HTR4: variants seen among roughly 807,000 people sequenced by gnomAD.
HTR4 encodes the protein 5-hydroxytryptamine (serotonin) receptor 4, G protein-coupled.
HTR4 carries 16 observed loss-of-function variants against 36.8 expected under a neutral mutation model. The ratio of observed to expected loss-of-function variants is 0.43; its 90% CI spans 0.29 to 0.66. The LOEUF is 0.66. Ranked by LOEUF, HTR4 falls within the 30% of genes least tolerant of loss-of-function variation. The pLI, the probability that HTR4 is intolerant of heterozygous loss-of-function variation, is 0.13. For missense variants in HTR4, 438 were observed against 490.9 expected, an observed-to-expected ratio of 0.89 and a Z score of 1.02; for synonymous variants, 189 against 185.1, an observed-to-expected ratio of 1.02 and a Z score of -0.17.
chr5:148,652,619 C>T (rs1754074200), intron 1 of HTR4, among the ~76,000 whole-genome samples: 1 of 152,106 alleles, frequency 6.6e-6, no homozygotes, highest in South Asian at 2.1e-4. Context: ...CACTACTGTC[C>T]TCTGGGCCCT....
intron 5 of HTR4, among the ~76,000 whole-genome samples, chr5:148,461,618 A>G (rs1332089538): frequency 2.0e-5 from 3 of 152,052 alleles, no homozygotes; most frequent in Non-Finnish European, 4.4e-5. Flanking sequence ...AAAATACAGG[A>G]GGCAAAAACT....
rs192189223 is a variant in HTR4 at position 148,548,300 on chromosome 5, G to C, written c.353+368C>G. Among the ~76,000 whole-genome samples, 15 of 152,292 alleles carry C rather than the reference G, an allele frequency of 9.8e-5. No individual in the cohort carries two copies. The East Asian group carries it at 2.9e-3, about 29-fold the overall frequency. ...GGCATTTTCATTCTGAACCACCCCT[G>C]CTGCCCTCTGGGAAGATGTACTCAT... On this transcript the variant is annotated intron_variant, in intron 4 of 6. Transcript: ENST00000377888.
At chr5:148,653,054 T>C (rs1176040641) in intron 1 of HTR4, among the ~76,000 whole-genome samples, 1 of 152,064 alleles carries the variant, frequency 6.6e-6, no homozygotes, top group Non-Finnish European at 1.5e-5. Flanking sequence ...ACATCTCCCT[T>C]GGTCACTGAT....
intron 2 of HTR4, among the ~76,000 whole-genome samples, chr5:148,554,876 C>A (rs1759866318): frequency 6.6e-6 from 1 of 152,074 alleles, no homozygotes; most frequent in Non-Finnish European, 1.5e-5. Flanking sequence ...GTTCAGCCCC[C>A]ACTTGTAAGT....
chr5:148,592,066 G>A (rs1265292282), intron 2 of HTR4, among the ~76,000 whole-genome samples: 2 of 152,148 alleles, frequency 1.3e-5, no homozygotes, highest in African/African-American at 2.4e-5. Flanking sequence ...GTAAAAGAAT[G>A]AGATCGTGTC....
chr5:148,531,895 G>A (rs998960305), intron 4 of HTR4, among the ~76,000 whole-genome samples: 1 of 152,244 alleles, frequency 6.6e-6, no homozygotes, highest in Admixed American at 6.5e-5. Flanking sequence ...GGGGACATTT[G>A]ACAATGTCTG....
intron 6 of HTR4, among the ~76,000 whole-genome samples, chr5:148,507,938 A>G (rs1043425703): frequency 3.9e-5 from 6 of 152,058 alleles, no homozygotes; most frequent in Non-Finnish European, 8.8e-5. Flanking sequence ...TTTCTATGAC[A>G]CTCCTGAAGG....
chr5:148,587,890 C>A (rs114053947), intron 2 of HTR4, among the ~76,000 whole-genome samples: 117 of 152,316 alleles, frequency 7.7e-4, no homozygotes, highest in African/African-American at 2.6e-3. Flanking sequence ...TAGCATCTTT[C>A]AGCAGATATC....
chr5:148,581,298 G>A (rs561970396), intron 2 of HTR4, among the ~76,000 whole-genome samples: 3 of 151,870 alleles, frequency 2.0e-5, no homozygotes, highest in South Asian at 2.1e-4. Flanking sequence ...TTCATAGGTC[G>A]CCTTTTCACT....
chr5:148,623,274 G>GA (rs1425931065), intron 2 of HTR4, among the ~76,000 whole-genome samples: 1 of 152,092 alleles, frequency 6.6e-6, no homozygotes, highest in Non-Finnish European at 1.5e-5. Flanking sequence ...GGTCCTTCAG[G>GA]AAAAATGGGC....
At chr5:148,491,322 ATTT>A (rs756001193) in intron 6 of HTR4, among the ~76,000 whole-genome samples, 1 of 147,188 alleles carries the variant, frequency 6.8e-6, no homozygotes. Context: ...GGCGCTATAT[ATTT>A]TTTTTTTTTT....
chr5:148,574,405 C>T (rs1341406849), intron 2 of HTR4, among the ~76,000 whole-genome samples: 1 of 151,926 alleles, frequency 6.6e-6, no homozygotes, highest in Admixed American at 6.6e-5. Context: ...CTCTCTCTCT[C>T]TCTCACTCAC....
At chr5:148,521,628 T>G (rs570685334) in intron 5 of HTR4, among the ~76,000 whole-genome samples, 1 of 152,062 alleles carries the variant, frequency 6.6e-6, no homozygotes, top group African/African-American at 2.4e-5. Context: ...CCTTACAGTA[T>G]CCCTTTCTCT....
At chr5:148,549,898 A>G (rs1759596313) in intron 3 of HTR4, among the ~76,000 whole-genome samples, 1 of 152,220 alleles carries the variant, frequency 6.6e-6, no homozygotes, top group African/African-American at 2.4e-5. Flanking sequence ...CACAACTATA[A>G]ACACATTTGA....
chr5:148,571,861 C>T (rs1470982934), intron 2 of HTR4, among the ~76,000 whole-genome samples: 1 of 151,994 alleles, frequency 6.6e-6, no homozygotes, highest in Non-Finnish European at 1.5e-5. Flanking sequence ...TTCTCAAAGT[C>T]CTGAAGGATT....
chr5:148,632,131 G>T (rs535569549), intron 2 of HTR4, among the ~76,000 whole-genome samples: 2 of 151,962 alleles, frequency 1.3e-5, no homozygotes, highest in Non-Finnish European at 2.9e-5. Flanking sequence ...TTACAAAAAT[G>T]ATCAATACAT....
intron 6 of HTR4, 167 bp downstream of exon 6, chr5:148,509,289 T>C: frequency 8.8e-6 from 5 of 567,774 alleles, no homozygotes. Flanking sequence ...AGAGCCTGAG[T>C]TCTTAACCAT....
intron 2 of HTR4, among the ~76,000 whole-genome samples, chr5:148,588,998 T>C (rs1008928872): frequency 6.6e-6 from 1 of 152,176 alleles, no homozygotes; most frequent in Admixed American, 6.5e-5. Flanking sequence ...TTTTATTCAA[T>C]GCCATTCTTT....
At chr5:148,558,150 G>A (rs990598970) in intron 2 of HTR4, among the ~76,000 whole-genome samples, 5 of 151,990 alleles carry the variant, frequency 3.3e-5, no homozygotes, top group Non-Finnish European at 7.4e-5. Context: ...TTAAATTAAA[G>A]AAAATAATGT....
Sources: allele counts gnomAD v4.1 joint callset (sites outside exome capture counted in the v4.1 genomes callset), GRCh38; gene constraint gnomAD v4.1.1; transcripts MANE v1.5; gene names NCBI Gene and HGNC (gene_info 2026-07-23, HGNC 2026-07-21).